FBXL13: variants seen among roughly 807,000 people sequenced by gnomAD.
The protein encoded by FBXL13 is F-box and leucine rich repeat protein 13, also known as F-box and leucine-rich repeat protein 13.
FBXL13 carries 67 observed loss-of-function variants against 83.6 expected under a neutral mutation model. The ratio of observed to expected loss-of-function variants is 0.80; its 90% CI spans 0.66 to 0.98. The LOEUF is 0.98. Ranked by LOEUF, FBXL13 falls within the 50% of genes least tolerant of loss-of-function variation. The probability of loss-of-function intolerance (pLI) is 0.00; values close to 1 mark genes in which losing one functional copy is unlikely to be tolerated. For synonymous variants in FBXL13, 272 were observed against 299.5 expected, an observed-to-expected ratio of 0.91 and a Z score of 0.95; for missense variants, 822 against 866.5, an observed-to-expected ratio of 0.95 and a Z score of 0.64.
At chr7:103,070,078 C>CAAAAAAAAA (rs76010935) in intron 1 of FBXL13, among the ~76,000 whole-genome samples, 1 of 67,316 alleles carries the variant, frequency 1.5e-5, no homozygotes, top group African/African-American at 5.0e-5. Context: ...GACTCTGTCT[C>CAAAAAAAAA]AAAAAAAAAA....
intron 8 of FBXL13, among the ~76,000 whole-genome samples, chr7:102,948,580 C>T (rs868837200): frequency 6.6e-5 from 10 of 151,936 alleles, no homozygotes; most frequent in East Asian, 1.9e-4. Context: ...CCCGCCACCA[C>T]ACCCAGCTAA....
intron 6 of FBXL13, among the ~76,000 whole-genome samples, chr7:102,997,359 G>A (rs900221027): frequency 2.0e-5 from 3 of 152,158 alleles, no homozygotes; most frequent in African/African-American, 7.2e-5. Flanking sequence ...CATACAATGT[G>A]TAATGATCAA....
chr7:102,834,104 A>AAGAG (rs1554404993), intron 17 of FBXL13, among the ~76,000 whole-genome samples: 3 of 110,520 alleles, frequency 2.7e-5, no homozygotes, highest in Non-Finnish European at 5.3e-5. Context: ...GAAAGAAAGA[A>AAGAG]AGAAAGAAAG....
At chr7:102,939,715 A>G in intron 8 of FBXL13, 1 of 835,406 alleles carries the variant, frequency 1.2e-6, no homozygotes, top group Non-Finnish European at 1.8e-6. Flanking sequence ...AGTTTTAATT[A>G]AACATGACAC....
At chr7:103,055,744 G>A in exon 2 of FBXL13, 2 of 1,248,718 alleles carry the variant, frequency 1.6e-6, no homozygotes, top group South Asian at 2.7e-5. Context: ...CCACATAACA[G>A]TGCCTAGGGG....
intron 6 of FBXL13, among the ~76,000 whole-genome samples, chr7:102,985,029 T>A (rs1297101701): frequency 6.6e-6 from 1 of 152,192 alleles, no homozygotes; most frequent in Non-Finnish European, 1.5e-5. Context: ...TTGATTGGGG[T>A]CCTGCATTGC....
intron 11 of FBXL13, 112 bp from the exon 13 acceptor site, chr7:102,884,424 C>A: frequency 1.3e-6 from 1 of 752,874 alleles, no homozygotes; most frequent in Non-Finnish European, 2.3e-6. Flanking sequence ...TAAAATTAAC[C>A]ATAAAATGTG....
At chr7:102,826,753 ATATATATATATATATATATG>A (rs989636989) in intron 18 of FBXL13, among the ~76,000 whole-genome samples, 2 of 112,254 alleles carry the variant, frequency 1.8e-5, no homozygotes, top group East Asian at 3.1e-4. Flanking sequence ...ATATATATAT[ATATATATATATATATATATG>A]TATATATATC....
At chr7:102,921,801 T>G (rs1817088411) in intron 10 of FBXL13, among the ~76,000 whole-genome samples, 1 of 152,182 alleles carries the variant, frequency 6.6e-6, no homozygotes, top group Non-Finnish European at 1.5e-5. Context: ...GTAGAAATAA[T>G]TCAGTCCACA....
chr7:102,859,908 A>G (rs570584815), intron 16 of FBXL13, among the ~76,000 whole-genome samples: 2 of 152,346 alleles, frequency 1.3e-5, no homozygotes, highest in East Asian at 3.9e-4. Context: ...TGCAAGTTGC[A>G]TGAGAATGTG....
At chr7:102,968,603 T>C (rs1229637535) in intron 6 of FBXL13, among the ~76,000 whole-genome samples, 1 of 152,214 alleles carries the variant, frequency 6.6e-6, no homozygotes, top group Admixed American at 6.5e-5. Context: ...CTTCTGGAAA[T>C]GTGGTAGACC....
chr7:102,862,466 A>G (rs960210435), intron 16 of FBXL13, among the ~76,000 whole-genome samples: 1 of 152,192 alleles, frequency 6.6e-6, no homozygotes, highest in African/African-American at 2.4e-5. Flanking sequence ...AAAACCCAAT[A>G]TGTGTCTGTT....
At chr7:102,848,245 A>C (rs1262604231) in intron 17 of FBXL13, among the ~76,000 whole-genome samples, 1 of 152,180 alleles carries the variant, frequency 6.6e-6, no homozygotes, top group Non-Finnish European at 1.5e-5. Context: ...TTTCATTTAG[A>C]GATAATCTGC....
chr7:102,838,024 G>C (rs1315519715), intron 17 of FBXL13, among the ~76,000 whole-genome samples: 1 of 152,238 alleles, frequency 6.6e-6, no homozygotes, highest in Non-Finnish European at 1.5e-5. Flanking sequence ...CAGCACAGGA[G>C]TGAGGAGAAT....
chr7:102,918,116 TC>T (rs1177110616), intron 10 of FBXL13, among the ~76,000 whole-genome samples: 4 of 152,194 alleles, frequency 2.6e-5, no homozygotes, highest in African/African-American at 9.7e-5. Context: ...AACCAACATT[TC>T]TCTGCTTATT....
chr7:103,060,941 C>T (rs189677137), intron 1 of FBXL13, among the ~76,000 whole-genome samples: 8 of 152,228 alleles, frequency 5.3e-5, no homozygotes, highest in African/African-American at 1.7e-4. Flanking sequence ...GGAGGTAGCA[C>T]GCTGTTGTTT....
chr7:102,859,572 TG>T (rs1806514677), intron 16 of FBXL13, among the ~76,000 whole-genome samples: 1 of 152,022 alleles, frequency 6.6e-6, no homozygotes, highest in African/African-American at 2.4e-5. Context: ...GTTTTAGCCC[TG>T]GGAGGGACAG....
chr7:103,037,489 A>C (rs1164964385), intron 2 of FBXL13, among the ~76,000 whole-genome samples: 1 of 152,156 alleles, frequency 6.6e-6, no homozygotes, highest in East Asian at 1.9e-4. Flanking sequence ...TGATAGCATT[A>C]TTTTAAAATA....
At chr7:102,935,242 C>CTTT (rs71106700) in intron 8 of FBXL13, among the ~76,000 whole-genome samples, 37 of 76,418 alleles carry the variant, frequency 4.8e-4, no homozygotes, top group African/African-American at 1.1e-3. Context: ...TTTTTTCTTT[C>CTTT]TTTTTTTTTT....
Sources: gnomAD v4.1 joint callset for allele counts (sites outside exome capture counted in the v4.1 genomes callset) on GRCh38, gnomAD v4.1.1 for gene constraint, MANE v1.5 for transcripts, NCBI Gene and HGNC (gene_info 2026-07-23, HGNC 2026-07-21) for gene names.